HS1BP3: variants seen among roughly 807,000 people sequenced by gnomAD.
The protein encoded by HS1BP3 is HCLS1-binding protein 3.
A neutral mutation model predicts 33.5 loss-of-function variants in HS1BP3; 32 were observed. That is an observed-to-expected ratio of 0.95 (90% CI 0.72 to 1.28). The LOEUF is 1.28. Ranked by LOEUF, HS1BP3 falls within the 50% of genes most tolerant of loss-of-function variation. The probability of loss-of-function intolerance (pLI) is 0.00; values close to 1 mark genes in which losing one functional copy is unlikely to be tolerated. For missense variants in HS1BP3, 486 were observed against 502.3 expected, an observed-to-expected ratio of 0.97 and a Z score of 0.31; for synonymous variants, 187 against 209.2, an observed-to-expected ratio of 0.89 and a Z score of 0.92.
At chr2:20,581,105 C>G (rs1693523829) in intron 5 of HS1BP3, among the ~76,000 whole-genome samples, 1 of 152,220 alleles carries the variant, frequency 6.6e-6, no homozygotes, top group Admixed American at 6.5e-5. Context: ...CGGCCCAGCT[C>G]CAGTCCTCAG....
At chr2:20,613,163 C>G (rs1341101638), downstream of HS1BP3, among the ~76,000 whole-genome samples, 1 of 152,170 alleles carries the variant, frequency 6.6e-6, no homozygotes, top group Non-Finnish European at 1.5e-5. Flanking sequence ...CCTCTGGGAC[C>G]TAGAGCACTT....
intron 1 of HS1BP3, among the ~76,000 whole-genome samples, chr2:20,650,233 T>C (rs979422113): frequency 4.6e-5 from 7 of 152,346 alleles, no homozygotes; most frequent in Non-Finnish European, 7.3e-5. Flanking sequence ...TAAATTGGCA[T>C]CTTAGCCTAA....
At chr2:20,591,987 T>C (rs1449252260), downstream of HS1BP3, among the ~76,000 whole-genome samples, 3 of 152,176 alleles carry the variant, frequency 2.0e-5, no homozygotes, top group African/African-American at 7.2e-5. Context: ...GTCCCATGGA[T>C]GGTCCAAGGA....
At position 20,618,135 on chromosome 2, in the gene HS1BP3, G is replaced by A. The variant is rs908146514; in HGVS notation, c.*852C>T. 1.3e-5 allele frequency: 2 copies of A among 152,270 alleles called. No individual in the cohort carries two copies. Among genetic ancestry groups the A allele is most frequent in the Non-Finnish European group, 2.9e-5 (2 of 68,076 alleles). 9.4% of individuals were successfully genotyped at this position (152,270 alleles called of 1,614,324 possible). Reference sequence around the variant, plus strand: ...GAGCTGTGGGGAAAGCTATGACCCAGTTTGCTGAGAGCTGCAATGACGAAC... The same window carrying A: ...GAGCTGTGGGGAAAGCTATGACCCAATTTGCTGAGAGCTGCAATGACGAAC... On this transcript the variant is annotated 3_prime_UTR_variant, in exon 7 of 7. Coordinates refer to ENST00000304031, the MANE Select transcript of HS1BP3 (RefSeq NM_022460.4).
At chr2:20,635,110 C>A (rs1021390595) in intron 4 of HS1BP3, 2 of 152,188 alleles carry the variant, frequency 1.3e-5, no homozygotes, top group Non-Finnish European at 1.5e-5. Flanking sequence ...CCTTAGAGAA[C>A]CTTTTACTGG....
At chr2:20,586,038 A>C (rs62124230) in intron 5 of HS1BP3, among the ~76,000 whole-genome samples, 11,842 of 152,198 alleles carry the variant, frequency 0.078, 637 homozygotes, top group African/African-American at 0.15. Flanking sequence ...AGTGCCATAC[A>C]CCGTGGCTGC....
intron 5 of HS1BP3, among the ~76,000 whole-genome samples, chr2:20,581,651 A>G (rs766125419): frequency 6.6e-6 from 1 of 152,196 alleles, no homozygotes; most frequent in African/African-American, 2.4e-5. Flanking sequence ...CACCCAGCCA[A>G]CACACCTTTA....
chr2:20,558,461 G>T (rs567202312), downstream of HS1BP3, among the ~76,000 whole-genome samples: 52 of 152,308 alleles, frequency 3.4e-4, 1 homozygote, highest in African/African-American at 1.1e-3. Context: ...GGGGTATCAT[G>T]CCTCCGTCTC....
intron 5 of HS1BP3, among the ~76,000 whole-genome samples, chr2:20,579,477 A>G (rs1208939329): frequency 6.6e-6 from 1 of 152,124 alleles, no homozygotes; most frequent in East Asian, 1.9e-4. Flanking sequence ...ATCCTGCATG[A>G]CTCATCAGTT....
intron 5 of HS1BP3, among the ~76,000 whole-genome samples, chr2:20,560,769 C>T (rs1316046272): frequency 6.6e-6 from 1 of 152,144 alleles, no homozygotes; most frequent in Non-Finnish European, 1.5e-5. Flanking sequence ...GCCTTCATCC[C>T]TATGGCCTCC....
At chr2:20,614,550 C>A (rs1461512670), downstream of HS1BP3, among the ~76,000 whole-genome samples, 1 of 152,158 alleles carries the variant, frequency 6.6e-6, no homozygotes, top group African/African-American at 2.4e-5. Flanking sequence ...TTTAATGGCT[C>A]AAGTTTTTTC....
At chr2:20,575,928 T>TG (rs1693389419) in intron 5 of HS1BP3, among the ~76,000 whole-genome samples, 2 of 152,124 alleles carry the variant, frequency 1.3e-5, no homozygotes, top group Middle Eastern at 3.2e-3. Flanking sequence ...TGACAGGCAA[T>TG]GGGGGAAGGG....
At chr2:20,619,541 C>T (rs1387232085) in intron 6 of HS1BP3, among the ~76,000 whole-genome samples, 2 of 152,204 alleles carry the variant, frequency 1.3e-5, no homozygotes, top group African/African-American at 2.4e-5. Context: ...ACTTGACACA[C>T]GCTGCCTTCT....
At chr2:20,561,048 G>C (rs1191912392) in intron 5 of HS1BP3, among the ~76,000 whole-genome samples, 1 of 152,190 alleles carries the variant, frequency 6.6e-6, no homozygotes, top group Non-Finnish European at 1.5e-5. Context: ...TGGCATCCCA[G>C]GTCTCTCCAG....
rs3732150 is a variant in HS1BP3, at chr2:20,618,757, T to C, written c.*230A>G. ...TCATGTCCACGGGGAATAAGACACA[T>C]TGGGCTCTGGCTCCTAGGGTGAGAG... On this transcript the variant is annotated 3_prime_UTR_variant, in exon 7 of 7. Transcript: ENST00000304031. 0.29 allele frequency: 388,857 copies of C among 1,344,914 alleles called. 59,316 individuals are homozygous for C. Among genetic ancestry groups the C allele is most frequent in the Non-Finnish European group, 0.32 (333,619 of 1,051,408 alleles). 83.3% of individuals were successfully genotyped at this position (1,344,914 alleles called of 1,614,324 possible). A position where few individuals can be genotyped will look rare whatever the true frequency, so the allele number is the denominator to read the frequency against.
intron 5 of HS1BP3, among the ~76,000 whole-genome samples, chr2:20,560,809 C>T (rs1282612229): frequency 2.0e-5 from 3 of 152,082 alleles, no homozygotes; most frequent in Non-Finnish European, 4.4e-5. Context: ...AGCGGTGGTG[C>T]CCCTAGAGTA....
At chr2:20,586,598 A>G (rs1693690884) in intron 5 of HS1BP3, 2 of 152,250 alleles carry the variant, frequency 1.3e-5, no homozygotes, top group South Asian at 2.1e-4. Context: ...CTAACAAACA[A>G]TGTCACAAAA....
At chr2:20,567,573 T>C (rs1384169091) in intron 5 of HS1BP3, among the ~76,000 whole-genome samples, 7 of 152,126 alleles carry the variant, frequency 4.6e-5, no homozygotes, top group Non-Finnish European at 1.0e-4. Flanking sequence ...ACTTCCTCAC[T>C]GGCATAAAGA....
At chr2:20,576,432 G>A (rs1217055983) in intron 5 of HS1BP3, among the ~76,000 whole-genome samples, 1 of 152,172 alleles carries the variant, frequency 6.6e-6, no homozygotes, top group East Asian at 1.9e-4. Flanking sequence ...TGCCACTGAG[G>A]GCTTAGCTCA....
Sources: gnomAD v4.1 joint callset for allele counts (sites outside exome capture counted in the v4.1 genomes callset) on GRCh38, gnomAD v4.1.1 for gene constraint, MANE v1.5 for transcripts, NCBI Gene and HGNC (gene_info 2026-07-23, HGNC 2026-07-21) for gene names.